Variants in ARHGAP35 observed in about 807,000 individuals in gnomAD.
ARHGAP35 encodes Rho GTPase activating protein 35.
ARHGAP35 carries 15 observed loss-of-function variants against 111.1 expected under a neutral mutation model. That is an observed-to-expected ratio of 0.13 (90% CI 0.09 to 0.21). ARHGAP35 has a LOEUF of 0.21. Among genes scored for constraint, ARHGAP35 ranks in the 10% least tolerant of loss-of-function variants. The probability of loss-of-function intolerance (pLI) is 1.00; values close to 1 mark genes in which losing one functional copy is unlikely to be tolerated. For missense variants in ARHGAP35, 1,262 were observed against 1,873.0 expected, an observed-to-expected ratio of 0.67 and a Z score of 6.02; for synonymous variants, 643 against 710.3, an observed-to-expected ratio of 0.91 and a Z score of 1.51.
In ARHGAP35 at chr19:46,905,559, C is replaced by A. The variant is rs866055614; in HGVS notation, c.-188-12929C>A. ...CCCAGCTAATTTTTGTATTCCACCC[C>A]CCCCCCCCAAGACAGAGTCTTACTC... On this transcript the variant is annotated intron_variant, in intron 1 of 6. Transcript: ENST00000672722. Among the ~76,000 whole-genome samples the A allele has an allele frequency of 3.7e-4, 54 of 145,296 alleles. No individual in the cohort carries two copies. In the East Asian group the frequency reaches 0.011, roughly 30 times the overall value.
chr19:46,909,176 G>T (rs1004316241), intron 1 of ARHGAP35, among the ~76,000 whole-genome samples: 1 of 152,052 alleles, frequency 6.6e-6, no homozygotes, highest in Non-Finnish European at 1.5e-5. Flanking sequence ...GGTGGCATGC[G>T]CTTGTAGTCC....
At position 46,928,154 on chromosome 19, in the gene ARHGAP35, C is replaced by T. The variant is rs531588274; in HGVS notation, c.3681+5798C>T. Among the ~76,000 whole-genome samples, 23 of 152,222 alleles carry T rather than the reference C, an allele frequency of 1.5e-4. No individual in the cohort carries two copies. In the South Asian group the frequency reaches 4.8e-3, roughly 32 times the overall value. On this transcript the variant is annotated intron_variant, in intron 2 of 6. Transcript: ENST00000672722. ...CTCAGTTTATTTTAAGCCTGAAGAA[C>T]TTCTGTAGTGTGTTTTTGGTGATAA...
At chr19:46,961,386 A>G (rs2056481627) in intron 3 of ARHGAP35, among the ~76,000 whole-genome samples, 3 of 152,158 alleles carry the variant, frequency 2.0e-5, no homozygotes, top group Admixed American at 2.0e-4. Flanking sequence ...GGATAGGTAC[A>G]TTTTATATTT....
At chr19:46,899,336 A>G (rs910614923) in intron 1 of ARHGAP35, among the ~76,000 whole-genome samples, 2 of 152,172 alleles carry the variant, frequency 1.3e-5, no homozygotes, top group African/African-American at 4.8e-5. Context: ...GGATAGCTAG[A>G]AATGAAGGTA....
chr19:46,925,236 T>A (rs995568526), intron 2 of ARHGAP35, among the ~76,000 whole-genome samples: 7 of 152,204 alleles, frequency 4.6e-5, no homozygotes, highest in African/African-American at 1.4e-4. Context: ...AATGGTGCTT[T>A]GAAATGAGGG....
chr19:46,897,060 A>ATTTT (rs61692635), intron 1 of ARHGAP35, among the ~76,000 whole-genome samples: 1 of 133,652 alleles, frequency 7.5e-6, no homozygotes, highest in Non-Finnish European at 1.6e-5. Context: ...CACCTGGCTA[A>ATTTT]TTTTTTTTTT....
At chr19:46,984,151 A>T (rs906532123) in intron 3 of ARHGAP35, among the ~76,000 whole-genome samples, 5 of 152,210 alleles carry the variant, frequency 3.3e-5, no homozygotes, top group Non-Finnish European at 5.9e-5. Flanking sequence ...CTTTGGTGAC[A>T]TGGGTCTTTG....
chr19:46,879,780 G>A (rs74174229), intron 1 of ARHGAP35, among the ~76,000 whole-genome samples: 3,812 of 120,138 alleles, frequency 0.032, 137 homozygotes, highest in East Asian at 0.18. Context: ...CTAGACTCTT[G>A]TCTCAAAAAA....
intron 3 of ARHGAP35, among the ~76,000 whole-genome samples, chr19:46,941,749 A>G (rs1274618965): frequency 1.3e-5 from 2 of 150,898 alleles, no homozygotes; most frequent in East Asian, 2.0e-4. Flanking sequence ...TTGTGGAGAC[A>G]AAGTCTCACT....
intron 3 of ARHGAP35, among the ~76,000 whole-genome samples, chr19:46,971,298 C>T (rs1268458554): frequency 2.6e-5 from 4 of 151,526 alleles, no homozygotes; most frequent in African/African-American, 9.7e-5. Flanking sequence ...CCCAGCTACT[C>T]GGGAGGTGGA....
At chr19:46,870,140 G>A (rs531898098) in intron 1 of ARHGAP35, among the ~76,000 whole-genome samples, 29 of 151,504 alleles carry the variant, frequency 1.9e-4, no homozygotes, top group African/African-American at 6.3e-4. Context: ...TAGTAGAGAC[G>A]GGGTTTCACT....
In ARHGAP35 at chr19:46,921,126, C is replaced by T; in HGVS notation, c.2451C>T (p.Asn817=). 6.2e-7 allele frequency: 1 copy of T among 1,614,028 alleles called. No homozygotes were observed. Among genetic ancestry groups the T allele is most frequent in the Non-Finnish European group, 8.5e-7 (1 of 1,179,904 alleles). ...GTAAATCTTCCCATTGTGGAAGCAA[C>T]AACTCTGTTTTACTTGAACTACCAA... ...QTCKSSHCGS[N]NSVLLELPIG... Residue 817 remains asparagine (N), a synonymous_variant, in exon 2 of 7, where the codon AAC becomes AAT. Transcript: ENST00000672722. The surrounding 1 kb of genome is among the most constrained non-coding windows in gnomAD (Gnocchi z 4.3).
chr19:46,902,732 C>T (rs1169521916), intron 1 of ARHGAP35, among the ~76,000 whole-genome samples: 4 of 152,132 alleles, frequency 2.6e-5, no homozygotes, highest in African/African-American at 9.7e-5. Flanking sequence ...ATATTTTAAT[C>T]GCCACGGCCC....
intron 1 of ARHGAP35, among the ~76,000 whole-genome samples, chr19:46,880,525 A>G (rs1231990739): frequency 1.3e-5 from 2 of 152,158 alleles, no homozygotes; most frequent in East Asian, 3.8e-4. Flanking sequence ...ATTGTAGTTC[A>G]CTTTCCACCA....
chr19:46,910,086 A>G (rs1034237000), intron 1 of ARHGAP35, among the ~76,000 whole-genome samples: 3 of 152,206 alleles, frequency 2.0e-5, no homozygotes, highest in South Asian at 4.1e-4. Context: ...GTAGCAGTGT[A>G]CAACAATAAA....
intron 5 of ARHGAP35, among the ~76,000 whole-genome samples, chr19:46,996,035 T>C (rs1184456255): frequency 1.3e-5 from 2 of 152,152 alleles, no homozygotes; most frequent in East Asian, 1.9e-4. Context: ...GGCCACCCGC[T>C]CCTCACTAGG....
rs2056198301 is a variant in ARHGAP35, at chr19:46,921,291, C to G, written c.2616C>G (p.Ala872=). ...AGGCCTCTTTGGCTATGTTACGTGC[C>G]TTTCTTTGTGAAGTGCAGGATATTA... The part of the protein sequence containing the change: ...KRKASLAMLR[A]FLCEVQDIIP... The change falls in exon 2 of 7, where the codon GCC becomes GCG. Residue 872 remains alanine, a synonymous_variant. Transcript: ENST00000672722. This position sits in a 1 kb window ranked among gnomAD's most constrained non-coding sequence, Gnocchi z 4.3. 1 of 1,613,964 alleles carries G rather than the reference C, an allele frequency of 6.2e-7. No individual in the cohort carries two copies. Among genetic ancestry groups the G allele is most frequent in the Admixed American group, 1.7e-5 (1 of 60,018 alleles).
At chr19:46,913,353 C>T (rs73057386) in intron 1 of ARHGAP35, among the ~76,000 whole-genome samples, 28,466 of 151,452 alleles carry the variant, frequency 0.19, 3,439 homozygotes, top group Non-Finnish European at 0.28. Context: ...CTTTCCCAGT[C>T]ATAGTAAATC....
In ARHGAP35 at chr19:46,939,409, A is replaced by G. The variant is rs369520891; in HGVS notation, c.3826+2001A>G. On this transcript the variant is annotated intron_variant, in intron 3 of 6. Coordinates refer to ENST00000672722, the MANE Select transcript of ARHGAP35 (RefSeq NM_004491.5). ...TATTTATTTATTTATTTATTTATTT[A>G]TTTATTATTTAATTTTTTTAGATGG... Among the ~76,000 whole-genome samples, 17 of 114,102 alleles carry G rather than the reference A, an allele frequency of 1.5e-4. 1 individual carries two copies. The South Asian group carries it at 4.1e-3, about 27-fold the overall frequency. 74.9% of individuals were successfully genotyped at this position (114,102 alleles called of 152,430 possible).
Sources: gnomAD v4.1 joint callset for allele counts (sites outside exome capture counted in the v4.1 genomes callset) on GRCh38, gnomAD v4.1.1 for gene constraint, Gnocchi (gnomAD v3.1) non-coding constraint, MANE v1.5 for transcripts, NCBI Gene and HGNC (gene_info 2026-07-23, HGNC 2026-07-21) for gene names.